The following AFF2 variants were observed in gnomAD, a reference collection of about 807,000 sequenced individuals.
The protein encoded by AFF2 is ALF transcription elongation factor 2.
Under a neutral mutation model 76.9 loss-of-function variants are expected in AFF2, and 14 were observed. The ratio of observed to expected loss-of-function variants is 0.18; its 90% CI spans 0.12 to 0.28. AFF2 has a LOEUF of 0.28. Ranked by LOEUF, AFF2 falls within the 10% of genes least tolerant of loss-of-function variation. AFF2 has a pLI of 1.00. For missense variants in AFF2, 868 were observed against 1,001.1 expected (o/e 0.87, Z 1.79); for synonymous variants, 398 against 366.7 (o/e 1.09, Z -0.98).
chrX:148,826,415 C>T (rs1226877904), intron 4 of AFF2, among the ~76,000 whole-genome samples: 2 of 110,187 alleles, frequency 1.8e-5, no homozygotes, highest in African/African-American at 6.6e-5. Flanking sequence ...TAGTGAAATC[C>T]AATAATCAGA....
chrX:148,651,925 C>T, intron 1 of AFF2, 74 bp from the exon 2 acceptor site: 1 of 1,015,214 alleles, frequency 9.9e-7, no homozygotes, highest in Non-Finnish European at 1.3e-6. Context: ...TTATTATTGA[C>T]AGCAAGGAAA....
At chrX:148,735,792 C>T (rs1485908069) in intron 3 of AFF2, among the ~76,000 whole-genome samples, 4 of 110,962 alleles carry the variant, frequency 3.6e-5, no homozygotes, top group Non-Finnish European at 7.5e-5. Context: ...CGCAAGTCCC[C>T]AAAGTCCATT....
At chrX:148,869,565 A>G (rs782703275) in intron 7 of AFF2, among the ~76,000 whole-genome samples, 1 of 111,928 alleles carries the variant, frequency 8.9e-6, no homozygotes, top group South Asian at 3.7e-4. Context: ...GGAGCTCAAA[A>G]GAGCGTTATA....
At chrX:148,596,677 C>T (rs1347068406) in intron 1 of AFF2, among the ~76,000 whole-genome samples, 1 of 111,894 alleles carries the variant, frequency 8.9e-6, no homozygotes, top group Non-Finnish European at 1.9e-5. Flanking sequence ...TGTCAGTTAG[C>T]GAGGTTTAAT....
chrX:148,761,612 G>A (rs1428924322), intron 3 of AFF2, among the ~76,000 whole-genome samples: 2 of 110,460 alleles, frequency 1.8e-5, no homozygotes, highest in East Asian at 5.7e-4. Context: ...TTTATTCAAC[G>A]AATGTTTACA....
At chrX:148,985,190 G>T (rs781993058) in intron 19 of AFF2, among the ~76,000 whole-genome samples, 1 of 105,801 alleles carries the variant, frequency 9.5e-6, no homozygotes, top group East Asian at 2.9e-4. Flanking sequence ...TCACCATGTT[G>T]GCCAGGCTGG....
intron 1 of AFF2, among the ~76,000 whole-genome samples, chrX:148,605,013 A>G (rs2053660067): frequency 8.9e-6 from 1 of 112,302 alleles, no homozygotes; most frequent in South Asian, 3.6e-4. Context: ...TTTACTTTTC[A>G]GATATCCACA....
chrX:148,786,425 A>G (rs182365968), intron 3 of AFF2, among the ~76,000 whole-genome samples: 2 of 112,007 alleles, frequency 1.8e-5, no homozygotes, highest in East Asian at 5.6e-4. Flanking sequence ...TCATTGCCTC[A>G]CAGCCTGGAG....
chrX:148,717,219 A>T (rs907433570), intron 3 of AFF2, among the ~76,000 whole-genome samples: 1 of 112,426 alleles, frequency 8.9e-6, no homozygotes, highest in Admixed American at 9.4e-5. Context: ...ACAGTGGAAT[A>T]TTATTCAGCC....
chrX:148,988,305 C>T (rs191144548), intron 20 of AFF2, among the ~76,000 whole-genome samples: 55 of 112,096 alleles, frequency 4.9e-4, no homozygotes, highest in African/African-American at 1.7e-3. Context: ...ACAGACTGCT[C>T]CACACCAGTC....
At chrX:148,506,385 C>G (rs1157257369) in intron 1 of AFF2, among the ~76,000 whole-genome samples, 1 of 111,107 alleles carries the variant, frequency 9.0e-6, no homozygotes, top group African/African-American at 3.3e-5. Flanking sequence ...ATTTATTTAG[C>G]CGTCACTGAA....
intron 1 of AFF2, among the ~76,000 whole-genome samples, chrX:148,608,776 A>G (rs1195681749): frequency 9.0e-6 from 1 of 111,480 alleles, no homozygotes; most frequent in Non-Finnish European, 1.9e-5. Flanking sequence ...TCCAAAGTCT[A>G]CATTTTACAT....
intron 8 of AFF2, 96 bp from the exon 9 acceptor site, chrX:148,904,125 C>G: frequency 1.7e-6 from 1 of 595,359 alleles, no homozygotes; most frequent in Admixed American, 2.8e-5. Flanking sequence ...CCTTATGTTT[C>G]TGAAGAGCAT....
intron 9 of AFF2, among the ~76,000 whole-genome samples, chrX:148,922,371 C>T (rs1395015111): frequency 2.7e-5 from 3 of 111,449 alleles, no homozygotes; most frequent in Non-Finnish European, 5.7e-5. Context: ...GCAGTTAGAC[C>T]TGAGTAAGTC....
intron 1 of AFF2, among the ~76,000 whole-genome samples, chrX:148,550,447 T>G (rs1557238741): frequency 8.9e-6 from 1 of 111,861 alleles, no homozygotes; most frequent in African/African-American, 3.2e-5. Context: ...ATTTCTAATT[T>G]TGTTTTACAG....
chrX:148,727,024 A>C (rs893120060), intron 3 of AFF2, among the ~76,000 whole-genome samples: 7 of 112,093 alleles, frequency 6.2e-5, no homozygotes, highest in African/African-American at 2.3e-4. Flanking sequence ...AGGCGGAAGC[A>C]ATGCTTTATA....
chrX:148,907,198 A>G (rs1245153075), intron 9 of AFF2, among the ~76,000 whole-genome samples: 1 of 112,337 alleles, frequency 8.9e-6, no homozygotes, highest in Non-Finnish European at 1.9e-5. Flanking sequence ...CTCCAAATAG[A>G]GTAAAGGTTC....
chrX:148,849,016 G>C (rs1323535908), intron 7 of AFF2, among the ~76,000 whole-genome samples: 1 of 111,501 alleles, frequency 9.0e-6, no homozygotes, highest in African/African-American at 3.3e-5. Flanking sequence ...TGTGGTCCTT[G>C]AGAAGAGTAA....
At chrX:148,673,803 T>C (rs781801051) in intron 3 of AFF2, among the ~76,000 whole-genome samples, 2 of 112,126 alleles carry the variant, frequency 1.8e-5, no homozygotes, top group African/African-American at 6.5e-5. Flanking sequence ...TCCACAATGC[T>C]TCTGAGCCAA....
Sources: allele counts gnomAD v4.1 joint callset (sites outside exome capture counted in the v4.1 genomes callset), GRCh38; gene constraint gnomAD v4.1.1; transcripts MANE v1.5; gene names NCBI Gene and HGNC (gene_info 2026-07-23, HGNC 2026-07-21).